MAPK13: variants seen among roughly 807,000 people sequenced by gnomAD.
MAPK13 encodes the protein MAP kinase 13.
MAPK13 carries 39 observed loss-of-function variants against 53.5 expected under a neutral mutation model. That is an observed-to-expected ratio of 0.73 (90% CI 0.56 to 0.95). The LOEUF is 0.95. Ranked by LOEUF, MAPK13 falls within the 40% of genes least tolerant of loss-of-function variation. MAPK13 has a pLI of 0.00. For missense variants in MAPK13, 460 were observed against 471.8 expected (o/e 0.98, Z 0.23); for synonymous variants, 179 against 190.9 (o/e 0.94, Z 0.51).
At position 36,134,320 on chromosome 6, in the gene MAPK13, A is replaced by AAACAAC. The variant is rs143995200; in HGVS notation, c.309-1415_309-1410dup. Among the ~76,000 whole-genome samples the AAACAAC allele has an allele frequency of 1.8e-4, 27 of 152,190 alleles. No individual in the cohort carries two copies. In the East Asian group the frequency reaches 2.7e-3, roughly 15 times the overall value. ...AGATGCCTCCAGCATGTCCTTTCAA[A>AAACAAC]AACAACAACAACAACAACAACAAAA... On this transcript the variant is annotated intron_variant, in intron 3 of 11. Transcript: ENST00000211287.
rs1447774072 is a variant in MAPK13 at position 36,131,277 on chromosome 6, C to A, written c.126C>A (p.Ala42=). 1.2e-6 allele frequency: 2 copies of A among 1,612,540 alleles called. No individual in the cohort carries two copies. The highest frequency in any genetic ancestry group is 4.5e-5 in the East Asian group (2 of 44,884). ...ACCGGCCTGTGCCCGACAGCTCGGC[C>A]ATCGACAAGCGGTCAGGGGAGAAGG... ...GSGAYGSVCS[A]IDKRSGEKVA... is the part of the protein sequence containing the mutation. The change falls in exon 2 of 12, where the codon GCC becomes GCA. Residue 42 remains alanine, a synonymous_variant. Transcript: ENST00000211287.
chr6:36,136,562 G>A (rs764885738), intron 6 of MAPK13, 31 bp downstream of exon 6: 19 of 1,595,926 alleles, frequency 1.2e-5, no homozygotes, highest in African/African-American at 8.0e-5. Context: ...GCCCAGAGGC[G>A]GGATAGGCCC....
intron 3 of MAPK13, among the ~76,000 whole-genome samples, chr6:36,133,289 C>G (rs1024873072): frequency 1.3e-5 from 2 of 152,052 alleles, no homozygotes; most frequent in East Asian, 1.9e-4. Flanking sequence ...GACTTTGAGC[C>G]GGGAGGTGAT....
rs1311903103 is a variant in MAPK13, at chr6:36,136,469, C to T, written c.448-15C>T. 13 of 1,577,740 alleles carry T rather than the reference C, an allele frequency of 8.2e-6. No homozygotes were observed. Among genetic ancestry groups the T allele is most frequent in the Non-Finnish European group, 1.1e-5 (13 of 1,164,242 alleles). ...TCTGCCTCAGCCTAGCATGCATTCT[C>T]TGTCCTCCCCCCAGGACCTGAAGCC... On this transcript the variant is annotated splice_polypyrimidine_tract_variant and intron_variant, in intron 5 of 11. Transcript: ENST00000211287.
intron 3 of MAPK13, 96 bp from the exon 4 acceptor site, chr6:36,135,657 T>C (rs1766401857): frequency 2.5e-6 from 2 of 800,744 alleles, no homozygotes; most frequent in Admixed American, 2.2e-5. Context: ...AGGGTGTCTC[T>C]ATGACCCCTG....
At chr6:36,138,830 G>A in intron 10 of MAPK13, 49 bp from the exon 11 acceptor site, 1 of 1,613,224 alleles carries the variant, frequency 6.2e-7, no homozygotes, top group Admixed American at 1.7e-5. Context: ...ATCCCAGAGG[G>A]CGGGCTCTCC....
Position 36,131,459 on chromosome 6 carries a change from C to A in MAPK13, c.249+59C>A. 9.1e-6 allele frequency: 14 copies of A among 1,539,690 alleles called. No homozygotes were observed. In the South Asian group the frequency reaches 1.6e-4, roughly 17 times the overall value. Reference sequence around the variant, plus strand: ...GCTGCCCTGGGGAGTCAGGGGCAGGCGCAGGCGGGGCCTCCCGGTATGGAG... The same window carrying A: ...GCTGCCCTGGGGAGTCAGGGGCAGGAGCAGGCGGGGCCTCCCGGTATGGAG... On this transcript the variant is annotated intron_variant, in intron 2 of 11. Transcript: ENST00000211287.
rs1766489834 is a variant in MAPK13, at chr6:36,139,413, A to G, written c.*40A>G. 1 of 1,548,518 alleles carries G rather than the reference A, an allele frequency of 6.5e-7. No homozygotes were observed. The highest frequency in any genetic ancestry group is 8.9e-7 in the Non-Finnish European group (1 of 1,120,688). ...TGGCACCGCCGGCCAGACACTGCCCAAGGACCAGTATTTGTCACTACCAAA... is the reference window on the plus strand; with the variant it reads ...TGGCACCGCCGGCCAGACACTGCCCGAGGACCAGTATTTGTCACTACCAAA... On this transcript the variant is annotated 3_prime_UTR_variant, in exon 12 of 12. Coordinates refer to ENST00000211287, the MANE Select transcript of MAPK13 (RefSeq NM_002754.5).
chr6:36,133,300 A>G (rs999351320), intron 3 of MAPK13, among the ~76,000 whole-genome samples: 4 of 152,168 alleles, frequency 2.6e-5, no homozygotes, highest in African/African-American at 9.7e-5. Context: ...GGGAGGTGAT[A>G]TGTTCAGATG....
At chr6:36,136,553 C>A (rs1415865135) in intron 6 of MAPK13, 22 bp downstream of exon 6, 1 of 1,599,768 alleles carries the variant, frequency 6.3e-7, no homozygotes, top group Admixed American at 1.7e-5. Flanking sequence ...GCAGGCTCAG[C>A]CCAGAGGCGG....
chr6:36,134,028 G>A (rs1018344340), intron 3 of MAPK13, among the ~76,000 whole-genome samples: 9 of 152,208 alleles, frequency 5.9e-5, no homozygotes, highest in Admixed American at 5.9e-4. Flanking sequence ...CTCAGGACTG[G>A]GAGGTAAGGC....
chr6:36,130,728 G>A lies in MAPK13; in HGVS notation c.119+27G>A. 8.5e-7 allele frequency: 1 copy of A among 1,174,178 alleles called. No individual in the cohort carries two copies. Among genetic ancestry groups the A allele is most frequent in the Non-Finnish European group, 1.2e-6 (1 of 833,724 alleles). The allele number at this position is 1,174,178 out of a possible 1,614,324, so 72.7% of individuals were successfully genotyped here. On this transcript the variant is annotated intron_variant, in intron 1 of 11. Transcript: ENST00000211287. The surrounding 1 kb of genome is among the most constrained non-coding windows in gnomAD (Gnocchi z 4.5). ...TGAGACCCCTGGGCCGCTGGGGGGC[G>A]GGGGGCGGGCGCCAGGCTCTCCCCT...
At chr6:36,137,129 G>A (rs1050491366) in intron 8 of MAPK13, among the ~76,000 whole-genome samples, 179 bp downstream of exon 8, 1 of 152,182 alleles carries the variant, frequency 6.6e-6, no homozygotes, top group African/African-American at 2.4e-5. Context: ...CAGCACTTTG[G>A]GAGGCTGAGG....
intron 3 of MAPK13, 117 bp downstream of exon 3, chr6:36,132,796 C>A: frequency 9.7e-7 from 1 of 1,032,694 alleles, no homozygotes; most frequent in South Asian, 1.3e-5. Context: ...GCCTCCTTCC[C>A]TGGCAGTCCT....
Position 36,131,251 on chromosome 6 carries a change from G to C in MAPK13, c.120-20G>C, listed in dbSNP as rs762759822. The C allele has an allele frequency of 5.0e-6, 8 of 1,607,286 alleles. No homozygotes were observed. The highest frequency in any genetic ancestry group is 1.3e-5 in the African/African-American group (1 of 74,878). The stretch of plus-strand genomic sequence containing the variant: ...GCCCAGGAGGAGAGCCTCGCCTGCT[G>C]ACCGGCCTGTGCCCGACAGCTCGGC... On this transcript the variant is annotated intron_variant, in intron 1 of 11. Coordinates refer to ENST00000211287, the MANE Select transcript of MAPK13 (RefSeq NM_002754.5).
At chr6:36,133,892 G>C (rs1672178807) in intron 3 of MAPK13, among the ~76,000 whole-genome samples, 1 of 152,174 alleles carries the variant, frequency 6.6e-6, no homozygotes, top group Non-Finnish European at 1.5e-5. Flanking sequence ...AGAATTGAGA[G>C]GGAGTTTCAG....
chr6:36,136,829 T>A, intron 7 of MAPK13, 50 bp from the exon 8 acceptor site: 2 of 1,611,282 alleles, frequency 1.2e-6, no homozygotes, highest in Non-Finnish European at 1.7e-6. Flanking sequence ...CGGTGCTGAC[T>A]GACTGCTGGG....
intron 3 of MAPK13, among the ~76,000 whole-genome samples, chr6:36,133,363 G>A (rs1030707089): frequency 2.6e-5 from 4 of 152,216 alleles, no homozygotes; most frequent in Non-Finnish European, 5.9e-5. Flanking sequence ...GAAGCAGCTC[G>A]GAGGCAGAGG....
At chr6:36,137,391 T>C (rs1766438577) in intron 8 of MAPK13, among the ~76,000 whole-genome samples, 1 of 152,076 alleles carries the variant, frequency 6.6e-6, no homozygotes, top group Non-Finnish European at 1.5e-5. Context: ...GGCAGGCGCC[T>C]GTAGTCCCAG....
Sources: allele counts gnomAD v4.1 joint callset (sites outside exome capture counted in the v4.1 genomes callset), GRCh38; gene constraint gnomAD v4.1.1; non-coding constraint Gnocchi (gnomAD v3.1); transcripts MANE v1.5; gene names NCBI Gene and HGNC (gene_info 2026-07-23, HGNC 2026-07-21).